Variants in TMC6 observed in about 807,000 individuals in gnomAD.
The protein encoded by TMC6 is transmembrane channel like 6.
In TMC6, 71 loss-of-function variants were observed where a neutral mutation model predicts 95.4. The observed-to-expected ratio is 0.74, with a 90% CI of 0.61 to 0.91. The LOEUF is 0.91. Ranked by LOEUF, TMC6 falls within the 40% of genes least tolerant of loss-of-function variation. TMC6 has a pLI of 0.00. For missense variants in TMC6, 1,074 were observed against 1,079.1 expected (o/e 1.00, Z 0.07); for synonymous variants, 514 against 483.1 (o/e 1.06, Z -0.84).
At chr17:78,129,122 C>T (rs867642615), upstream of TMC6, among the ~76,000 whole-genome samples, 10 of 144,920 alleles carry the variant, frequency 6.9e-5, no homozygotes, top group East Asian at 2.0e-4. This position sits in a 1 kb window ranked among gnomAD's most constrained non-coding sequence, Gnocchi z 4.3. Flanking sequence ...CAGCGCCCCC[C>T]CCCCCGCCGC....
intron 4 of TMC6, 33 bp from the exon 5 acceptor site, chr17:78,125,917 C>T (rs376234062): frequency 4.5e-5 from 70 of 1,549,564 alleles, no homozygotes; most frequent in Middle Eastern, 1.7e-4. Context: ...CCGGGCCGGG[C>T]AGGGCCAGGC....
chr17:78,116,493 G>A (rs75583872), intron 18 of TMC6, among the ~76,000 whole-genome samples: 1,598 of 151,946 alleles, frequency 0.011, 75 homozygotes, highest in East Asian at 0.096. Flanking sequence ...GGCTGGTCTC[G>A]AACTCCTGGG....
rs922105005 is a variant in TMC6, at chr17:78,113,870, A to G, written c.2278-246T>C. 4 of 524,610 alleles carry G rather than the reference A, an allele frequency of 7.6e-6. No homozygotes were observed. In the African/African-American group the frequency reaches 7.7e-5, roughly 10 times the overall value. The allele number at this position is 524,610 out of a possible 1,614,324, so 32.5% of individuals were successfully genotyped here. On this transcript the variant is annotated intron_variant, in intron 18 of 19. Transcript: ENST00000590602. ...AAGTGAAAAGGGAAATGTAATCAGC[A>G]GCCCAGAGCCAGCCTGACTCAATTT...
In TMC6 at chr17:78,121,045, G is replaced by A. The variant is rs368841987; in HGVS notation, c.1503C>T (p.Ser501=). ...TGGCCACGTACACCTCCAGTACCGG[G>A]GAGTCATGCGGCTCCAGGGCGGCCA... ...RVLAALEPHD[S]PVLEVYVAIC... The change falls in exon 12 of 20, where the codon TCC becomes TCT. Residue 501 remains serine (S), a synonymous_variant. Transcript: ENST00000590602. This position sits in a 1 kb window ranked among gnomAD's most constrained non-coding sequence, Gnocchi z 5.6. 12 of 1,613,234 alleles carry A rather than the reference G, an allele frequency of 7.4e-6. No individual in the cohort carries two copies. The African/African-American group carries it at 1.6e-4, about 22-fold the overall frequency.
chr17:78,121,600 C>G lies in TMC6; in HGVS notation c.1339G>C (p.Gly447Arg). The change falls in exon 11 of 20, where the codon GGC becomes CGC. Residue 447 changes from glycine (G) to arginine (R), a missense_variant. Transcript: ENST00000590602. The surrounding 1 kb of genome is among the most constrained non-coding windows in gnomAD (Gnocchi z 5.6). ...VWLLCLGTALGCAVAVHVFSE... is the reference protein window; with the variant it reads ...VWLLCLGTALRCAVAVHVFSE... Reference sequence around the variant, plus strand: ...AAGACGTGGACGGCCACGGCGCAGCCCAGCGCGGTCCCCAGACACAGCAGC... The same window carrying G: ...AAGACGTGGACGGCCACGGCGCAGCGCAGCGCGGTCCCCAGACACAGCAGC... 1 of 1,611,530 alleles carries G rather than the reference C, an allele frequency of 6.2e-7. No homozygotes were observed. The highest frequency in any genetic ancestry group is 8.5e-7 in the Non-Finnish European group (1 of 1,179,670).
Position 78,123,928 on chromosome 17 carries a change from C to T in TMC6, c.1082+61G>A, listed in dbSNP as rs563436575. ...AAGAGGGAAGAATCAATGAATGGGT[C>T]GAAAGATGAATGGATGGATGAGTGG... is the stretch of plus-strand genomic sequence containing the variant. On this transcript the variant is annotated intron_variant, in intron 9 of 19. Coordinates refer to ENST00000590602, the MANE Select transcript of TMC6 (RefSeq NM_001127198.5). 52 of 1,594,076 alleles carry T rather than the reference C, an allele frequency of 3.3e-5. No individual in the cohort carries two copies. In the African/African-American group the frequency reaches 6.6e-4, roughly 20 times the overall value.
chr17:78,121,124 A>AG lies in TMC6; in HGVS notation c.1423dup (p.Leu475ProfsTer26), dbSNP rs1488714678. ...GTTGAGGAGGCCAACCACCAGGGGC[A>AG]GGACCAGCAGCACAGCCTCCTGGCC... is the stretch of plus-strand genomic sequence containing the variant. On this transcript the variant is annotated frameshift_variant, in exon 12 of 20. Coordinates refer to ENST00000590602, the MANE Select transcript of TMC6 (RefSeq NM_001127198.5). LOFTEE classifies it high-confidence loss of function. This position sits in a 1 kb window ranked among gnomAD's most constrained non-coding sequence, Gnocchi z 5.6. The AG allele has an allele frequency of 6.2e-7, 1 of 1,609,552 alleles. No individual in the cohort carries two copies.
intron 18 of TMC6, among the ~76,000 whole-genome samples, chr17:78,115,493 G>C (rs911506586): frequency 1.3e-5 from 2 of 152,280 alleles, no homozygotes; most frequent in South Asian, 2.1e-4. Flanking sequence ...CCTGCTTCAC[G>C]GGGGGCCGTT....
At chr17:78,132,328 C>G, upstream of TMC6, 1 of 1,611,850 alleles carries the variant, frequency 6.2e-7, no homozygotes. Context: ...CGGCCCCGGC[C>G]TCCCTGACCC....
In TMC6 at chr17:78,117,448, C is replaced by T; in HGVS notation, c.2198+20G>A. The T allele has an allele frequency of 6.2e-7, 1 of 1,610,272 alleles. No individual in the cohort carries two copies. Among genetic ancestry groups the T allele is most frequent in the Non-Finnish European group, 8.5e-7 (1 of 1,179,238 alleles). The stretch of plus-strand genomic sequence containing the variant: ...AGCGAGGGCCATCTCCCCAGGGCCG[C>T]CCCCACCTGCGGGACTCACAGCAGC... On this transcript the variant is annotated intron_variant, in intron 17 of 19. Transcript: ENST00000590602.
rs2073812155 is a variant in TMC6, at chr17:78,110,905, G to C, written c.*2243C>G. Reference sequence around the variant, plus strand: ...AGGGCTGCTCTGAAGAAATACGGGAGGTCCTCACTGGAGGGTCTGGGGCCA... The same window carrying C: ...AGGGCTGCTCTGAAGAAATACGGGACGTCCTCACTGGAGGGTCTGGGGCCA... On this transcript the variant is annotated 3_prime_UTR_variant, in exon 20 of 20. Coordinates refer to ENST00000590602, the MANE Select transcript of TMC6 (RefSeq NM_001127198.5). The C allele has an allele frequency of 6.6e-6, 1 of 152,218 alleles. No individual in the cohort carries two copies. Among genetic ancestry groups the C allele is most frequent in the Admixed American group, 6.5e-5 (1 of 15,284 alleles). The allele number at this position is 152,218 out of a possible 1,614,324, so 9.4% of individuals were successfully genotyped here.
At chr17:78,130,980 C>T (rs1199307992), upstream of TMC6, 1 of 176,074 alleles carries the variant, frequency 5.7e-6, no homozygotes, top group Non-Finnish European at 1.2e-5. Flanking sequence ...CACAGGTCCT[C>T]ATCAGGGGCT....
intron 4 of TMC6, 168 bp from the exon 5 acceptor site, chr17:78,126,052 G>A (rs955867779): frequency 4.0e-5 from 47 of 1,166,284 alleles, no homozygotes; most frequent in Non-Finnish European, 5.3e-5. Flanking sequence ...TTTTTACCCC[G>A]TGATGACTCT....
Position 78,124,162 on chromosome 17 carries a change from G to A in TMC6, c.909C>T (p.Thr303=), listed in dbSNP as rs554914997. ...LLTGAGCFTH[T]VMYYGHYSNA... Reference sequence around the variant, plus strand: ...TACTGTAGTGGCCGTAGTACATGACGGTGTGGGTGAAGCAACCCTGCCACA... The same window carrying A: ...TACTGTAGTGGCCGTAGTACATGACAGTGTGGGTGAAGCAACCCTGCCACA... The change falls in exon 9 of 20, where the codon ACC becomes ACT. Residue 303 remains threonine, a synonymous_variant. Coordinates refer to ENST00000590602, the MANE Select transcript of TMC6 (RefSeq NM_001127198.5). 23 of 1,611,722 alleles carry A rather than the reference G, an allele frequency of 1.4e-5. No homozygotes were observed. Among genetic ancestry groups the A allele is most frequent in the East Asian group, 8.9e-5 (4 of 44,894 alleles).
At chr17:78,115,564 G>GTCTCCAACT (rs2074032502) in intron 18 of TMC6, among the ~76,000 whole-genome samples, 1 of 152,164 alleles carries the variant, frequency 6.6e-6, no homozygotes, top group South Asian at 2.1e-4. Context: ...AAAGTGCCTT[G>GTCTCCAACT]TCTCCAACTT....
chr17:78,125,108 G>A (rs1204241455), intron 6 of TMC6, 50 bp downstream of exon 6: 1 of 1,546,312 alleles, frequency 6.5e-7, no homozygotes, highest in Admixed American at 2.0e-5. Context: ...CTGAGGAAGT[G>A]GGTCTGGGGG....
chr17:78,126,049 C>T lies in TMC6; in HGVS notation c.272-165G>A, dbSNP rs2074695163. On this transcript the variant is annotated intron_variant, in intron 4 of 19. Transcript: ENST00000590602. Reference sequence around the variant, plus strand: ...CTGCATTCCGAAAGCCTATTTTTACCCCGTGATGACTCTGGAGTCATTTTT... The same window carrying T: ...CTGCATTCCGAAAGCCTATTTTTACTCCGTGATGACTCTGGAGTCATTTTT... 2.6e-6 allele frequency: 3 copies of T among 1,169,270 alleles called. No individual in the cohort carries two copies. The African/African-American group carries it at 4.6e-5, about 18-fold the overall frequency. The allele number at this position is 1,169,270 out of a possible 1,614,324, so 72.4% of individuals were successfully genotyped here. A position where few individuals can be genotyped will look rare whatever the true frequency, so the allele number is the denominator to read the frequency against.
chr17:78,117,990 A>T, intron 15 of TMC6, 55 bp from the exon 16 acceptor site: 1 of 1,564,810 alleles, frequency 6.4e-7, no homozygotes, highest in African/African-American at 1.3e-5. Flanking sequence ...GCACCCCTCC[A>T]AGCCCTGGGG....
chr17:78,113,238 G>A lies in TMC6; in HGVS notation c.2355-27C>T. ...TGCCAGAAAGAGACATCACTGAGGG[G>A]ACCCCATAAACATCAACATCCCTGC... On this transcript the variant is annotated intron_variant, in intron 19 of 19. Coordinates refer to ENST00000590602, the MANE Select transcript of TMC6 (RefSeq NM_001127198.5). The A allele has an allele frequency of 3.2e-6, 5 of 1,547,874 alleles. No individual in the cohort carries two copies. The South Asian group carries it at 4.8e-5, about 15-fold the overall frequency.
Sources: gnomAD v4.1 joint callset for allele counts (sites outside exome capture counted in the v4.1 genomes callset) on GRCh38, gnomAD v4.1.1 for gene constraint, Gnocchi (gnomAD v3.1) non-coding constraint, MANE v1.5 for transcripts, NCBI Gene and HGNC (gene_info 2026-07-23, HGNC 2026-07-21) for gene names.